The following CD70 variants were observed in gnomAD, a reference collection of about 807,000 sequenced individuals.
The protein encoded by CD70 is CD70 molecule.
In CD70, 6 loss-of-function variants were observed where a neutral mutation model predicts 9.0. The ratio of observed to expected loss-of-function variants is 0.67; its 90% CI spans 0.37 to 1.32. The LOEUF (loss-of-function observed/expected upper bound fraction) is 1.32, where lower values mean the gene tolerates loss of function less well. Ranked by LOEUF, CD70 falls within the 40% of genes most tolerant of loss-of-function variation. The probability of loss-of-function intolerance (pLI) is 0.02; values close to 1 mark genes in which losing one functional copy is unlikely to be tolerated. For missense variants in CD70, 235 were observed against 258.7 expected (o/e 0.91, Z 0.63); for synonymous variants, 108 against 112.3 (o/e 0.96, Z 0.24).
chr19:6,582,034 T>C (rs1915926231), downstream of CD70, among the ~76,000 whole-genome samples: 1 of 6,724 alleles, frequency 1.5e-4, no homozygotes, highest in African/African-American at 2.3e-4. Context: ...CAGTTAAATC[T>C]TTTTTTTTTT....
chr19:6,583,165 C>T, downstream of CD70: 3 of 463,324 alleles, frequency 6.5e-6, no homozygotes, highest in South Asian at 1.4e-4. Flanking sequence ...GATTATCTGG[C>T]TTGGAATCCT....
chr19:6,583,267 C>G (rs931967005), downstream of CD70: 1 of 653,002 alleles, frequency 1.5e-6, no homozygotes, highest in African/African-American at 1.8e-5. Flanking sequence ...GAGGTTCCAG[C>G]TGTTACAAAA....
intron 2 of CD70, among the ~76,000 whole-genome samples, chr19:6,587,126 G>A (rs531952725): frequency 1.7e-4 from 25 of 151,102 alleles, no homozygotes; most frequent in African/African-American, 5.8e-4. Flanking sequence ...GCACGAGAGA[G>A]TGCGAGAGAG....
downstream of CD70, chr19:6,583,398 G>T (rs571213179): frequency 7.7e-5 from 54 of 701,832 alleles, no homozygotes; most frequent in East Asian, 7.5e-4. Flanking sequence ...TGAGTTAATG[G>T]GATAAAACAG....
rs200641533 is a variant in CD70, at chr19:6,586,295, T to C, written c.307A>G (p.Ile103Val). Residue 103 changes from isoleucine (I) to valine (V), a missense_variant, in exon 3 of 3, where the codon ATC becomes GTC. Transcript: ENST00000245903. ...KGQLRIHRDG[I>V]YMVHIQVTLA... ...GTCACCTGGATGTGTACCATGTAGA[T>C]GCCATCACGATGGATACGTAGCTGC... 1.2e-6 allele frequency: 2 copies of C among 1,613,842 alleles called. No individual in the cohort carries two copies. Among genetic ancestry groups the C allele is most frequent in the Non-Finnish European group, 1.7e-6 (2 of 1,180,012 alleles).
Position 6,590,761 on chromosome 19 carries a change from C to T in CD70, c.162+80G>A. On this transcript the variant is annotated intron_variant, in intron 1 of 2. Transcript: ENST00000245903. This position sits in a 1 kb window ranked among gnomAD's most constrained non-coding sequence, Gnocchi z 5.3. ...GCCCTACCAGATCTTCCTCTCTGGC[C>T]TCTTTGTACCCATCTCATTCTGTCT... 2 of 1,280,046 alleles carry T rather than the reference C, an allele frequency of 1.6e-6. No individual in the cohort carries two copies. The highest frequency in any genetic ancestry group is 2.2e-6 in the Non-Finnish European group (2 of 896,850). The allele number at this position is 1,280,046 out of a possible 1,614,324, so 79.3% of individuals were successfully genotyped here.
At chr19:6,583,789 ATTTT>A (rs59486408), downstream of CD70, among the ~76,000 whole-genome samples, 3 of 98,866 alleles carry the variant, frequency 3.0e-5, no homozygotes, top group Non-Finnish European at 2.0e-5. Context: ...TGTGGTCTTG[ATTTT>A]TTTTTTTTTT....
rs1916147765 is a variant in CD70, at chr19:6,591,027, C to T, written c.-25G>A. The T allele has an allele frequency of 6.4e-7, 1 of 1,573,432 alleles. No individual in the cohort carries two copies. Among genetic ancestry groups the T allele is most frequent in the Non-Finnish European group, 8.6e-7 (1 of 1,157,116 alleles). ...TCGCCGCGGCGATCACCTCCGCTAGCGCAGGAGGGGCGATGGGGGCGCGGA... is the reference window on the plus strand; with the variant it reads ...TCGCCGCGGCGATCACCTCCGCTAGTGCAGGAGGGGCGATGGGGGCGCGGA... On this transcript the variant is annotated 5_prime_UTR_variant, in exon 1 of 3. Coordinates refer to ENST00000245903, the MANE Select transcript of CD70 (RefSeq NM_001252.5).
At chr19:6,583,152 C>T (rs147648385), downstream of CD70, 951 of 458,936 alleles carry the variant, frequency 2.1e-3, 8 homozygotes, top group East Asian at 0.012. Context: ...ATGCAAGATG[C>T]GGGATTATCT....
At chr19:6,585,580 G>A (rs560167778), downstream of CD70, among the ~76,000 whole-genome samples, 3 of 152,184 alleles carry the variant, frequency 2.0e-5, no homozygotes, top group Admixed American at 6.5e-5. Flanking sequence ...AGGCTCAAGC[G>A]ATCTGCCTTC....
At chr19:6,589,433 A>G (rs1177338948) in intron 2 of CD70, among the ~76,000 whole-genome samples, 1 of 149,394 alleles carries the variant, frequency 6.7e-6, no homozygotes, top group Non-Finnish European at 1.5e-5. Flanking sequence ...TCTGTCACCC[A>G]GGCTGGAGAG....
chr19:6,588,699 T>G (rs1916082332), intron 2 of CD70, among the ~76,000 whole-genome samples: 1 of 151,604 alleles, frequency 6.6e-6, no homozygotes, highest in South Asian at 2.1e-4. Flanking sequence ...AACCCTGGCA[T>G]GCCCGGATTC....
At chr19:6,587,377 C>A (rs1004198630) in intron 2 of CD70, among the ~76,000 whole-genome samples, 1 of 150,746 alleles carries the variant, frequency 6.6e-6, no homozygotes, top group African/African-American at 2.4e-5. Flanking sequence ...AGAGAGTGCA[C>A]GAGACAGAGT....
intron 2 of CD70, among the ~76,000 whole-genome samples, chr19:6,587,130 GAGAGAGCA>G (rs1916040224): frequency 6.6e-6 from 1 of 150,662 alleles, no homozygotes; most frequent in South Asian, 2.1e-4. Flanking sequence ...GAGAGAGTGC[GAGAGAGCA>G]CGAGAGAGCA....
downstream of CD70, among the ~76,000 whole-genome samples, chr19:6,581,977 C>CA (rs34886406): frequency 0.35 from 53,624 of 151,362 alleles, 10,569 homozygotes; most frequent in Non-Finnish European, 0.45. Context: ...AGAAACTGGA[C>CA]AAACGAAGGG....
In CD70 at chr19:6,586,338, T is replaced by C; in HGVS notation, c.264A>G (p.Gly88=). 1.2e-6 allele frequency: 2 copies of C among 1,613,364 alleles called. No individual in the cohort carries two copies. The highest frequency in any genetic ancestry group is 2.2e-5 in the South Asian group (2 of 91,040). ...GTAGCTGCCCCTTGTCCAGCTCTGG[T>C]CCATGCAGGAAGGAGCGGCCCAGTG... is the stretch of plus-strand genomic sequence containing the variant. ...GPALGRSFLH[G]PELDKGQLRI... The change falls in exon 3 of 3, where the codon GGA becomes GGG. Residue 88 remains glycine, a synonymous_variant. Transcript: ENST00000245903.
Position 6,590,368 on chromosome 19 carries a change from C to T in CD70, c.163-232G>A, listed in dbSNP as rs1383553429. The stretch of plus-strand genomic sequence containing the variant: ...GTCGAGACCTTCAAAAGAACTTCTT[C>T]GTTTCCCGAATCGTTTTCCTGGATG... On this transcript the variant is annotated intron_variant, in intron 1 of 2. Transcript: ENST00000245903. This position sits in a 1 kb window ranked among gnomAD's most constrained non-coding sequence, Gnocchi z 5.3. 1.3e-5 allele frequency among the ~76,000 whole-genome samples: 2 copies of T among 152,242 alleles called. No individual in the cohort carries two copies. Among genetic ancestry groups the T allele is most frequent in the African/African-American group, 4.8e-5 (2 of 41,468 alleles).
At chr19:6,585,679 AT>A (rs58556239), downstream of CD70, among the ~76,000 whole-genome samples, 7 of 147,052 alleles carry the variant, frequency 4.8e-5, no homozygotes, top group East Asian at 2.0e-4. Flanking sequence ...AACCAAGAAC[AT>A]TTTTTTTTTC....
downstream of CD70, chr19:6,583,381 C>G (rs1171755671): frequency 1.7e-5 from 12 of 702,002 alleles, no homozygotes; most frequent in Non-Finnish European, 2.9e-5. Context: ...CTTGCATGAA[C>G]ACGAGCTGAG....
Sources: allele counts gnomAD v4.1 joint callset (sites outside exome capture counted in the v4.1 genomes callset), GRCh38; gene constraint gnomAD v4.1.1; non-coding constraint Gnocchi (gnomAD v3.1); transcripts MANE v1.5; gene names NCBI Gene and HGNC (gene_info 2026-07-23, HGNC 2026-07-21).